Variants in CROCC observed in about 807,000 individuals in gnomAD.
The protein encoded by CROCC is ciliary rootlet coiled-coil, rootletin, also known as rootletin.
CROCC carries 180 observed loss-of-function variants against 245.2 expected under a neutral mutation model. That is an observed-to-expected ratio of 0.73 (90% CI 0.65 to 0.83). The LOEUF (loss-of-function observed/expected upper bound fraction) is 0.83. Ranked by LOEUF, CROCC falls within the 40% of genes least tolerant of loss-of-function variation. The pLI is 0.00. For missense variants in CROCC, 2,688 were observed against 2,779.4 expected, an observed-to-expected ratio of 0.97 and a Z score of 0.74; for synonymous variants, 1,205 against 1,241.6, an observed-to-expected ratio of 0.97 and a Z score of 0.62.
chr1:16,921,665 C>T (rs777296365), upstream of CROCC, among the ~76,000 whole-genome samples: 2 of 152,284 alleles, frequency 1.3e-5, no homozygotes, highest in Non-Finnish European at 2.9e-5. Flanking sequence ...CAGCAACCTG[C>T]GCAGGGTGAA....
chr1:16,963,648 C>T (rs2076369659), intron 27 of CROCC, among the ~76,000 whole-genome samples: 1 of 152,102 alleles, frequency 6.6e-6, no homozygotes, highest in Admixed American at 6.6e-5. Context: ...CCAGTGCCAG[C>T]CTCCAGGTAG....
rs901364234 is a variant in CROCC at position 16,954,937 on chromosome 1, G to A, written c.3465+60G>A. ...CCTAAATGGCACTGTGTGCCTGGGG[G>A]CCTAGTTCCCCAGGGCCCCAGAAGA... On this transcript the variant is annotated intron_variant, in intron 23 of 36. Coordinates refer to ENST00000375541, the MANE Select transcript of CROCC (RefSeq NM_014675.5). This position sits in a 1 kb window ranked among gnomAD's most constrained non-coding sequence, Gnocchi z 4.4. 14 of 1,451,030 alleles carry A rather than the reference G, an allele frequency of 9.6e-6. No individual in the cohort carries two copies. The South Asian group carries it at 1.7e-4, about 18-fold the overall frequency. The allele number at this position is 1,451,030 out of a possible 1,614,324, so 89.9% of individuals were successfully genotyped here.
chr1:16,957,973 C>T (rs949362208), intron 25 of CROCC, among the ~76,000 whole-genome samples: 2 of 147,034 alleles, frequency 1.4e-5, no homozygotes, highest in African/African-American at 5.0e-5. Context: ...CCTGCTGTAG[C>T]ACATGGGGGA....
chr1:16,953,488 G>C lies in CROCC; in HGVS notation c.3186+7G>C, dbSNP rs2076198203. 1 of 1,598,384 alleles carries C rather than the reference G, an allele frequency of 6.3e-7. No individual in the cohort carries two copies. The highest frequency in any genetic ancestry group is 1.3e-5 in the African/African-American group (1 of 74,780). On this transcript the variant is annotated splice_region_variant and intron_variant, in intron 21 of 36. Coordinates refer to ENST00000375541, the MANE Select transcript of CROCC (RefSeq NM_014675.5). The stretch of plus-strand genomic sequence containing the variant: ...AGAGAGTGAGAAGCAGCAGGTTCGT[G>C]AGCCCTGGCATGGCCTCTGCTGCTC...
At position 16,969,909 on chromosome 1, in the gene CROCC, A is replaced by C. The variant is rs200461521; in HGVS notation, c.5426A>C (p.Glu1809Ala). 1.9e-4 allele frequency: 300 copies of C among 1,604,744 alleles called. 4 individuals are homozygous for C. The South Asian group carries it at 3.2e-3, about 17-fold the overall frequency. The change falls in exon 33 of 37, where the codon GAG becomes GCG. Residue 1809 changes from glutamate to alanine, a missense_variant. Glu to Ala is a moderately radical substitution (Grantham distance 107, BLOSUM62 -1). This residue lies in a region of CROCC where 1,218 missense variants were observed against 1,286.3 expected (regional missense o/e 0.95). Coordinates refer to ENST00000375541, the MANE Select transcript of CROCC (RefSeq NM_014675.5). ...ADLELQRVEA[E>A]GQLQQLREVL... Reference sequence around the variant, plus strand: ...CTGGAACTGCAGCGGGTGGAGGCCGAGGGCCAGCTACAACAGCTACGGGAG... The same window carrying C: ...CTGGAACTGCAGCGGGTGGAGGCCGCGGGCCAGCTACAACAGCTACGGGAG...
At chr1:16,950,878 C>A in intron 19 of CROCC, 75 bp from the exon 20 acceptor site, 1 of 1,340,570 alleles carries the variant, frequency 7.5e-7, no homozygotes, top group Non-Finnish European at 9.9e-7. Context: ...CCATGTGGCT[C>A]ACCTGGCCTA....
At chr1:16,919,463 C>G (rs1432455120), upstream of CROCC, among the ~76,000 whole-genome samples, 1 of 152,282 alleles carries the variant, frequency 6.6e-6, no homozygotes, top group Admixed American at 6.5e-5. Flanking sequence ...AGAGGGCACC[C>G]AGGGACGGAG....
chr1:16,965,832 G>A lies in CROCC; in HGVS notation c.4515G>A (p.Glu1505=), dbSNP rs1384436946. ...TSPASPDLDP[E]AVRGALREFL... The stretch of plus-strand genomic sequence containing the variant: ...CAGCCTCTCCAGACCTGGACCCGGA[G>A]GCAGTGCGCGGGGCCCTCCGGGAAT... Residue 1505 remains glutamate (E), a synonymous_variant, in exon 28 of 37, where the codon GAG becomes GAA. Transcript: ENST00000375541. 1.2e-6 allele frequency: 2 copies of A among 1,613,752 alleles called. No homozygotes were observed. The highest frequency in any genetic ancestry group is 2.2e-5 in the East Asian group (1 of 44,884).
chr1:16,927,513 G>A (rs1268569481), intron 3 of CROCC, among the ~76,000 whole-genome samples: 1 of 152,212 alleles, frequency 6.6e-6, no homozygotes, highest in Non-Finnish European at 1.5e-5. Context: ...ACACAGCCAG[G>A]CCCAACACCC....
intron 2 of CROCC, among the ~76,000 whole-genome samples, chr1:16,923,722 C>A (rs1305481774): frequency 7.1e-6 from 1 of 141,606 alleles, no homozygotes; most frequent in Admixed American, 7.6e-5. Flanking sequence ...GCTGTGTTGC[C>A]CAGGCTGGAG....
chr1:16,938,582 G>T (rs1347942087), intron 11 of CROCC, 99 bp downstream of exon 11: 30 of 1,158,132 alleles, frequency 2.6e-5, no homozygotes, highest in Admixed American at 6.8e-5. Flanking sequence ...GCAAATGGGT[G>T]GGGGCCTGGG....
chr1:16,942,841 C>T (rs1194664549), intron 13 of CROCC, among the ~76,000 whole-genome samples: 1 of 152,286 alleles, frequency 6.6e-6, no homozygotes, highest in African/African-American at 2.4e-5. Flanking sequence ...CGAGGTGGCT[C>T]ACACCTGTAA....
Position 16,939,147 on chromosome 1 carries a change from G to T in CROCC, c.1608+5G>T. On this transcript the variant is annotated splice_donor_5th_base_variant and intron_variant, in intron 12 of 36. Transcript: ENST00000375541. ...AAGCGCCAGCTGCAGGTCCAGGTAGGAAGGGGCTTGAGCGTTCTGGGCGCA... is the reference window on the plus strand; with the variant it reads ...AAGCGCCAGCTGCAGGTCCAGGTAGTAAGGGGCTTGAGCGTTCTGGGCGCA... 6.7e-7 allele frequency: 1 copy of T among 1,483,380 alleles called. No homozygotes were observed. The highest frequency in any genetic ancestry group is 8.9e-7 in the Non-Finnish European group (1 of 1,127,476). 91.9% of individuals were successfully genotyped at this position (1,483,380 alleles called of 1,614,324 possible). A position where few individuals can be genotyped will look rare whatever the true frequency, so the allele number is the denominator to read the frequency against.
rs1024870180 is a variant in CROCC, at chr1:16,948,431, A to C, written c.2615A>C (p.Glu872Ala). 6.4e-6 allele frequency: 10 copies of C among 1,569,528 alleles called. No homozygotes were observed. In the Admixed American group the frequency reaches 7.4e-5, roughly 12 times the overall value. Residue 872 changes from glutamate to alanine, a missense_variant, in exon 18 of 37, where the codon GAG (glutamate) becomes GCG (alanine). Physicochemically the swap from Glu to Ala is moderately radical, Grantham distance 107 (BLOSUM62 -1). Around this residue, in one of 9 missense-constraint regions of CROCC, gnomAD observed 295 missense variants for 241.7 expected, o/e 1.22. Transcript: ENST00000375541. ...EALERAAREK[E>A]ALAKEHAGLA... is the part of the protein sequence containing the mutation. ...CTGGAGCGAGCGGCCCGTGAGAAGG[A>C]GGCGCTAGCCAAGGAGCACGCTGGC...
chr1:16,957,312 T>C (rs2076264140), intron 25 of CROCC, among the ~76,000 whole-genome samples: 1 of 151,782 alleles, frequency 6.6e-6, no homozygotes, highest in African/African-American at 2.4e-5. Flanking sequence ...GAGGCTGAGG[T>C]GGGAGTATCC....
intron 25 of CROCC, among the ~76,000 whole-genome samples, chr1:16,956,797 G>A (rs2076256275): frequency 6.6e-6 from 1 of 152,032 alleles, no homozygotes; most frequent in Admixed American, 6.6e-5. Flanking sequence ...TGGCCTGTGA[G>A]CTGTAGTTCG....
Position 16,922,737 on chromosome 1 carries a change from C to T in CROCC, c.135C>T (p.Thr45=). Residue 45 remains threonine (T), a synonymous_variant, in exon 2 of 37, where the codon ACC becomes ACT. Coordinates refer to ENST00000375541, the MANE Select transcript of CROCC (RefSeq NM_014675.5). The stretch of plus-strand genomic sequence containing the variant: ...ACCTGGCCCAGGACGCTCAGATCAC[C>T]AGCCTGCCTGCCCTTATCAGGGAGA... ...ARDLAQDAQI[T]SLPALIREIV... 1.9e-6 allele frequency: 3 copies of T among 1,613,944 alleles called. No homozygotes were observed. The highest frequency in any genetic ancestry group is 2.5e-6 in the Non-Finnish European group (3 of 1,180,010).
At position 16,944,250 on chromosome 1, in the gene CROCC, T is replaced by G; in HGVS notation, c.1959T>G (p.Asp653Glu). The G allele has an allele frequency of 1.3e-6, 2 of 1,551,268 alleles. No homozygotes were observed. The highest frequency in any genetic ancestry group is 1.7e-6 in the Non-Finnish European group (2 of 1,147,446). ...LEEEQEDAVQ[D>E]GARVRRELER... is the part of the protein sequence containing the mutation. ...AAGAGCAGGAGGACGCAGTGCAGGA[T>G]GGCGCGCGGGTGCGCCGGGAGCTTG... The change falls in exon 14 of 37, where the codon GAT becomes GAG. Residue 653 changes from aspartate to glutamate, a missense_variant. Physicochemically the swap from Asp to Glu is conservative, Grantham distance 45 (BLOSUM62 2). This residue lies in a region of CROCC where 972 missense variants were observed against 895.3 expected (regional missense o/e 1.09). Coordinates refer to ENST00000375541, the MANE Select transcript of CROCC (RefSeq NM_014675.5).
intron 3 of CROCC, among the ~76,000 whole-genome samples, chr1:16,927,270 G>C (rs552824008): frequency 6.6e-6 from 1 of 152,208 alleles, no homozygotes; most frequent in African/African-American, 2.4e-5. Flanking sequence ...CCCCACCACC[G>C]GGGACCTATA....
Sources: allele counts gnomAD v4.1 joint callset (sites outside exome capture counted in the v4.1 genomes callset), GRCh38; gene constraint gnomAD v4.1.1; regional missense constraint gnomAD v4.1.1; non-coding constraint Gnocchi (gnomAD v3.1); transcripts MANE v1.5; gene names NCBI Gene and HGNC (gene_info 2026-07-23, HGNC 2026-07-21).